DNM1L: variants seen among roughly 807,000 people sequenced by gnomAD.
The protein encoded by DNM1L is dynamin-1-like protein.
DNM1L carries 33 observed loss-of-function variants against 92.8 expected under a neutral mutation model. The ratio of observed to expected loss-of-function variants is 0.36; its 90% CI spans 0.27 to 0.48. The LOEUF is 0.48. Ranked by LOEUF, DNM1L falls within the 20% of genes least tolerant of loss-of-function variation. The pLI is 0.99. For missense variants in DNM1L, 485 were observed against 888.8 expected (o/e 0.55, Z 5.78); for synonymous variants, 284 against 305.0 (o/e 0.93, Z 0.72).
At chr12:32,704,504 C>T (rs890861004) in intron 2 of DNM1L, among the ~76,000 whole-genome samples, 6 of 149,462 alleles carry the variant, frequency 4.0e-5, no homozygotes, top group East Asian at 2.0e-4. Flanking sequence ...GAGCCGAGAT[C>T]GAGCCATTGC....
At chr12:32,713,811 TAAAAA>T (rs994716712) in intron 6 of DNM1L, among the ~76,000 whole-genome samples, 1 of 151,850 alleles carries the variant, frequency 6.6e-6, no homozygotes, top group Non-Finnish European at 1.5e-5. Context: ...CTCTGTCTGT[TAAAAA>T]AAACCAAAAC....
At chr12:32,687,327 G>A (rs1333841043) in intron 1 of DNM1L, among the ~76,000 whole-genome samples, 2 of 151,870 alleles carry the variant, frequency 1.3e-5, no homozygotes, top group Non-Finnish European at 2.9e-5. Context: ...TATGAGGTAG[G>A]GGTTCATTTC....
At chr12:32,692,733 T>C (rs574544987) in intron 1 of DNM1L, 5 of 152,260 alleles carry the variant, frequency 3.3e-5, no homozygotes, top group Admixed American at 2.0e-4. Context: ...CCTATCCATC[T>C]TAACATTAGG....
chr12:32,743,844 C>G lies in DNM1L; in HGVS notation c.*434C>G, dbSNP rs1955481723. On this transcript the variant is annotated 3_prime_UTR_variant, in exon 20 of 20. Coordinates refer to ENST00000549701, the MANE Select transcript of DNM1L (RefSeq NM_012062.5). Reference sequence around the variant, plus strand: ...TAATGCATGTACTATATAAGCTGATCTGGCTTTGAAAGATGTGAGTTGGCA... The same window carrying G: ...TAATGCATGTACTATATAAGCTGATGTGGCTTTGAAAGATGTGAGTTGGCA... 6.1e-6 allele frequency: 1 copy of G among 163,716 alleles called. No individual in the cohort carries two copies. Among genetic ancestry groups the G allele is most frequent in the African/African-American group, 2.4e-5 (1 of 41,692 alleles). The allele number at this position is 163,716 out of a possible 1,614,324, so 10.1% of individuals were successfully genotyped here.
In DNM1L at chr12:32,731,422, C is replaced by A; in HGVS notation, c.1267C>A (p.Arg423Ser). ...GTTACTGGTGAAGCGGCAAATCAAACGTCTAGAAGAGCCCAGCCTCCGCTG... is the reference window on the plus strand; with the variant it reads ...GTTACTGGTGAAGCGGCAAATCAAAAGTCTAGAAGAGCCCAGCCTCCGCTG... ...FELLVKRQIK[R>S]LEEPSLRCVE... Residue 423 changes from arginine (R) to serine (S), a missense_variant, in exon 11 of 20, where the codon CGT becomes AGT. This residue lies in a region of DNM1L where 12 missense variants were observed against 21.5 expected (regional missense o/e 0.56). Coordinates refer to ENST00000549701, the MANE Select transcript of DNM1L (RefSeq NM_012062.5). This position sits in a 1 kb window ranked among gnomAD's most constrained non-coding sequence, Gnocchi z 5.1. 1 of 1,614,130 alleles carries A rather than the reference C, an allele frequency of 6.2e-7. No individual in the cohort carries two copies. The highest frequency in any genetic ancestry group is 8.5e-7 in the Non-Finnish European group (1 of 1,180,026).
chr12:32,737,118 A>G lies in DNM1L; in HGVS notation c.1553A>G (p.Asn518Ser), dbSNP rs1378374416. The G allele has an allele frequency of 1.9e-6, 3 of 1,613,638 alleles. No individual in the cohort carries two copies. Among genetic ancestry groups the G allele is most frequent in the African/African-American group, 2.7e-5 (2 of 74,912 alleles). The stretch of plus-strand genomic sequence containing the variant: ...TGTGTTTCTTAGGAACAAAGGAGAA[A>G]CAGGCTAGCCAGAGAATTACCTTCA... Reference protein sequence around the residue: ...MNNNIEEQRRNRLARELPSAV... With the variant: ...MNNNIEEQRRSRLARELPSAV... The change falls in exon 14 of 20, where the codon AAC becomes AGC. Residue 518 changes from asparagine (N) to serine (S), a missense_variant. By Grantham distance (46) the Asn-to-Ser change is conservative. This residue lies in a region of DNM1L where 65 missense variants were observed against 59.4 expected (regional missense o/e 1.09). Coordinates refer to ENST00000549701, the MANE Select transcript of DNM1L (RefSeq NM_012062.5).
In DNM1L at chr12:32,740,418, G is replaced by A. The variant is rs1228666743; in HGVS notation, c.1894G>A (p.Val632Ile). 1.2e-6 allele frequency: 2 copies of A among 1,613,908 alleles called. No homozygotes were observed. Among genetic ancestry groups the A allele is most frequent in the East Asian group, 2.2e-5 (1 of 44,880 alleles). The change falls in exon 18 of 20, where the codon GTT becomes ATT. Residue 632 changes from valine (V) to isoleucine (I), a missense_variant. Physicochemically the swap from Val to Ile is conservative, Grantham distance 29. Around this residue, in one of 11 missense-constraint regions of DNM1L, gnomAD observed 133 missense variants for 210.9 expected, o/e 0.63. Transcript: ENST00000549701. Reference protein sequence around the residue: ...AVNLLDVPVPVARKLSAREQR... With the variant: ...AVNLLDVPVPIARKLSAREQR... ...CCTCATCCCTATTTAGCCAGTTCCT[G>A]TTGCACGAAAACTATCTGCTCGGGA...
chr12:32,701,844 C>T (rs1051190136), intron 2 of DNM1L, among the ~76,000 whole-genome samples: 8 of 151,840 alleles, frequency 5.3e-5, no homozygotes, highest in Admixed American at 3.3e-4. Context: ...TCTCCTGCCT[C>T]AGCCTGCCAA....
chr12:32,681,278 T>C (rs561549819), intron 1 of DNM1L, among the ~76,000 whole-genome samples: 13 of 152,296 alleles, frequency 8.5e-5, no homozygotes, highest in Non-Finnish European at 1.5e-4. Context: ...AATCAGTCTT[T>C]TACTCAAGTA....
At position 32,743,602 on chromosome 12, in the gene DNM1L, C is replaced by A; in HGVS notation, c.*192C>A. 1.7e-6 allele frequency: 1 copy of A among 590,720 alleles called. No homozygotes were observed. Among genetic ancestry groups the A allele is most frequent in the Non-Finnish European group, 3.0e-6 (1 of 333,998 alleles). The allele number at this position is 590,720 out of a possible 1,614,324, so 36.6% of individuals were successfully genotyped here. On this transcript the variant is annotated 3_prime_UTR_variant, in exon 20 of 20. Transcript: ENST00000549701. ...CACATTTAATCCAAATAATAAATGGCTGTTTCTAAAGTTTCCCAGTATATA... is the reference window on the plus strand; with the variant it reads ...CACATTTAATCCAAATAATAAATGGATGTTTCTAAAGTTTCCCAGTATATA...
intron 19 of DNM1L, 138 bp downstream of exon 19, chr12:32,742,886 A>G: frequency 1.6e-6 from 1 of 606,292 alleles, no homozygotes; most frequent in Non-Finnish European, 2.5e-6. Context: ...CTTGATAAGA[A>G]TCTTTTTTTT....
chr12:32,717,291 AT>A lies in DNM1L; in HGVS notation c.620-1351del, dbSNP rs532094265. 4.0e-3 allele frequency among the ~76,000 whole-genome samples: 379 copies of A among 95,524 alleles called. 15 individuals are homozygous for A. Among genetic ancestry groups the A allele is most frequent in the African/African-American group, 0.015 (349 of 22,574 alleles). 62.7% of individuals were successfully genotyped at this position (95,524 alleles called of 152,430 possible). ...ATACTATATATTATATATACACTATATATTTTATATATACTATATATTATAT... is the reference window on the plus strand; with the variant it reads ...ATACTATATATTATATATACACTATAATTTTATATATACTATATATTATAT... On this transcript the variant is annotated intron_variant, in intron 6 of 19. Coordinates refer to ENST00000549701, the MANE Select transcript of DNM1L (RefSeq NM_012062.5).
intron 7 of DNM1L, among the ~76,000 whole-genome samples, chr12:32,720,344 A>G (rs904714778): frequency 6.6e-6 from 1 of 152,180 alleles, no homozygotes; most frequent in Non-Finnish European, 1.5e-5. Context: ...ATACCTGTCT[A>G]TACCTGTTAC....
intron 7 of DNM1L, 97 bp downstream of exon 7, chr12:32,718,860 T>A (rs969604292): frequency 6.8e-7 from 1 of 1,463,648 alleles, no homozygotes; most frequent in Non-Finnish European, 9.6e-7. Flanking sequence ...AAAATCTGTT[T>A]GAAATGTGAT....
intron 16 of DNM1L, among the ~76,000 whole-genome samples, chr12:32,738,902 GT>G (rs1033771614): frequency 6.6e-6 from 1 of 152,002 alleles, no homozygotes; most frequent in African/African-American, 2.4e-5. Flanking sequence ...TCAAATAAAG[GT>G]TTATAAATGT....
Position 32,731,915 on chromosome 12 carries a change from G to T in DNM1L, c.1418G>T (p.Arg473Leu). Residue 473 changes from arginine (R) to leucine (L), a missense_variant, in exon 12 of 20, where the codon CGT becomes CTT. Arg to Leu is a moderately radical substitution (Grantham distance 102). Transcript: ENST00000549701. This position sits in a 1 kb window ranked among gnomAD's most constrained non-coding sequence, Gnocchi z 5.1. The part of the protein sequence containing the change: ...AIVEVVTCLL[R>L]KRLPVTNEMV... ...GTTGAAGTGGTGACTTGTCTTCTTC[G>T]TAAAAGGTTGCCTGTTACAAATGAA... is the stretch of plus-strand genomic sequence containing the variant. The T allele has an allele frequency of 1.9e-6, 3 of 1,613,708 alleles. No individual in the cohort carries two copies. The highest frequency in any genetic ancestry group is 2.5e-6 in the Non-Finnish European group (3 of 1,179,756).
intron 6 of DNM1L, among the ~76,000 whole-genome samples, chr12:32,718,156 A>T (rs1022354964): frequency 6.9e-6 from 1 of 144,142 alleles, no homozygotes; most frequent in South Asian, 2.1e-4. Flanking sequence ...ATATATATAT[A>T]TTTTAGATGG....
rs963312055 is a variant in DNM1L, at chr12:32,703,844, T to C, written c.250+2282T>C. On this transcript the variant is annotated intron_variant, in intron 2 of 19. Transcript: ENST00000549701. ...TATGTATAATTCAATCATCAGGACA[T>C]TTATTTAGCATAGGATTCTTCATTC... Among the ~76,000 whole-genome samples, 32 of 152,200 alleles carry C rather than the reference T, an allele frequency of 2.1e-4. 1 individual carries two copies. Among genetic ancestry groups the C allele is most frequent in the Admixed American group, 6.5e-5 (1 of 15,282 alleles).
chr12:32,716,742 G>GTATATATATATA (rs71447619), intron 6 of DNM1L, among the ~76,000 whole-genome samples: 19 of 139,172 alleles, frequency 1.4e-4, no homozygotes, highest in African/African-American at 4.7e-4. Flanking sequence ...ACTATATATA[G>GTATATATATATA]TATATATATA....
Sources: allele counts gnomAD v4.1 joint callset (sites outside exome capture counted in the v4.1 genomes callset), GRCh38; gene constraint gnomAD v4.1.1; regional missense constraint gnomAD v4.1.1; non-coding constraint Gnocchi (gnomAD v3.1); transcripts MANE v1.5; gene names NCBI Gene and HGNC (gene_info 2026-07-23, HGNC 2026-07-21).